The following DCX variants were observed in gnomAD, a reference collection of about 807,000 sequenced individuals.
The protein encoded by DCX is doublecortin.
A neutral mutation model predicts 20.9 loss-of-function variants in DCX; 4 were observed. The ratio of observed to expected loss-of-function variants is 0.19; its 90% confidence interval spans 0.09 to 0.44. DCX has a LOEUF of 0.44. Ranked by LOEUF, DCX falls within the 20% of genes least tolerant of loss-of-function variation. The pLI is 0.99. For synonymous variants in DCX, 103 were observed against 111.4 expected (o/e 0.92, Z 0.47); for missense variants, 133 against 296.9 (o/e 0.45, Z 4.06).
chrX:111,349,181 T>C (rs1385602939), intron 3 of DCX, among the ~76,000 whole-genome samples: 1 of 111,923 alleles, frequency 8.9e-6, no homozygotes, highest in Non-Finnish European at 1.9e-5. Flanking sequence ...TAAGAGTCTC[T>C]AGACTAGTTG....
chrX:111,301,801 A>T, intron 6 of DCX, 58 bp from the exon 7 acceptor site: 1 of 1,059,628 alleles, frequency 9.4e-7, no homozygotes, highest in Non-Finnish European at 1.3e-6. Flanking sequence ...TGAGCTCTGG[A>T]ATGTCTGCTT....
chrX:111,383,506 G>C (rs1926141620), intron 3 of DCX, among the ~76,000 whole-genome samples: 1 of 111,536 alleles, frequency 9.0e-6, no homozygotes, highest in Non-Finnish European at 1.9e-5. Context: ...TTACCAATTA[G>C]TATTTTCTGA....
intron 3 of DCX, among the ~76,000 whole-genome samples, chrX:111,385,499 T>C (rs1449000606): frequency 9.2e-6 from 1 of 108,852 alleles, no homozygotes; most frequent in Non-Finnish European, 1.9e-5. Context: ...CTACTAAAAA[T>C]ACAAAAATTA....
chrX:111,328,881 G>A (rs2095105869), intron 5 of DCX, among the ~76,000 whole-genome samples: 1 of 110,557 alleles, frequency 9.0e-6, no homozygotes, highest in African/African-American at 3.3e-5. Flanking sequence ...GAGACTCTGA[G>A]CCAGAACCAC....
chrX:111,333,175 T>G, intron 3 of DCX, 22 bp from the exon 4 acceptor site: 2 of 1,065,029 alleles, frequency 1.9e-6, no homozygotes, highest in Non-Finnish European at 2.6e-6. Flanking sequence ...GCAGAAACAC[T>G]GATTGTATAT....
chrX:111,314,223 C>T (rs753379462), intron 5 of DCX, among the ~76,000 whole-genome samples: 8 of 111,822 alleles, frequency 7.2e-5, no homozygotes, highest in Non-Finnish European at 1.3e-4. Flanking sequence ...CTCACCCACT[C>T]GTTGAGAAGC....
In DCX at chrX:111,368,396, G is replaced by C. The variant is rs754128592; in HGVS notation, c.705+32594C>G. On this transcript the variant is annotated intron_variant, in intron 3 of 6. Coordinates refer to ENST00000636035, the MANE Select transcript of DCX (RefSeq NM_001195553.2). ...TACTTCTTTATAGAAAGCAACCGTA[G>C]TCTGAGTGGCCTGATCTAATTTAAA... 6.3e-5 allele frequency among the ~76,000 whole-genome samples: 7 copies of C among 111,926 alleles called. No homozygotes were observed. In the East Asian group the frequency reaches 1.7e-3, roughly 27 times the overall value.
intron 3 of DCX, among the ~76,000 whole-genome samples, chrX:111,394,507 A>C (rs1291705049): frequency 8.9e-6 from 1 of 112,589 alleles, no homozygotes. Context: ...TTATATTTCA[A>C]TAAAGCTGTT....
intron 3 of DCX, among the ~76,000 whole-genome samples, chrX:111,379,502 A>G (rs779725013): frequency 2.7e-5 from 3 of 111,792 alleles, no homozygotes; most frequent in South Asian, 3.7e-4. Context: ...TCCTTCACCT[A>G]TCATAATGTT....
intron 2 of DCX, among the ~76,000 whole-genome samples, chrX:111,407,829 CACACACACAT>C (rs1928328375): frequency 9.1e-6 from 1 of 110,171 alleles, no homozygotes; most frequent in Admixed American, 9.8e-5. Flanking sequence ...CACACACACA[CACACACACAT>C]ATCTAGGGAG....
At chrX:111,388,340 T>C (rs1450952902) in intron 3 of DCX, among the ~76,000 whole-genome samples, 2 of 112,083 alleles carry the variant, frequency 1.8e-5, no homozygotes, top group Admixed American at 1.9e-4. Flanking sequence ...CAAAGCCCTT[T>C]TTGATTTAGT....
In DCX at chrX:111,331,048, C is replaced by T; in HGVS notation, c.809-7G>A. The T allele has an allele frequency of 2.5e-6, 3 of 1,210,046 alleles. No individual in the cohort carries two copies. Among genetic ancestry groups the T allele is most frequent in the Non-Finnish European group, 1.1e-6 (1 of 894,586 alleles). ...CCCTTCATGACTCGGCATTCTGGGG[C>T]AAAAGGACACAGACAGCTTAGTAGA... On this transcript the variant is annotated splice_region_variant and splice_polypyrimidine_tract_variant and intron_variant, in intron 4 of 6. Transcript: ENST00000636035.
chrX:111,383,150 T>C (rs1029472684), intron 3 of DCX, among the ~76,000 whole-genome samples: 3 of 111,131 alleles, frequency 2.7e-5, no homozygotes, highest in Non-Finnish European at 5.7e-5. Flanking sequence ...CAAAAATGCC[T>C]GATACCATGC....
intron 5 of DCX, among the ~76,000 whole-genome samples, chrX:111,323,370 G>A (rs900648214): frequency 1.8e-5 from 2 of 111,420 alleles, no homozygotes; most frequent in African/African-American, 6.5e-5. Flanking sequence ...TACATAAAAT[G>A]CTTATCTAAG....
chrX:111,325,935 A>G (rs1224122120), intron 5 of DCX, among the ~76,000 whole-genome samples: 1 of 111,801 alleles, frequency 8.9e-6, no homozygotes, highest in Non-Finnish European at 1.9e-5. Flanking sequence ...AGTCACTTTC[A>G]GGAAGGTCAG....
intron 5 of DCX, among the ~76,000 whole-genome samples, chrX:111,320,544 GC>G (rs765127925): frequency 1.8e-5 from 2 of 111,232 alleles, no homozygotes; most frequent in African/African-American, 6.6e-5. Context: ...ATTAGGAAAT[GC>G]CTTGGTGGAT....
chrX:111,405,706 AT>A (rs1370300820), intron 2 of DCX, among the ~76,000 whole-genome samples: 1 of 111,487 alleles, frequency 9.0e-6, no homozygotes, highest in Non-Finnish European at 1.9e-5. Flanking sequence ...AAATAAAAAA[AT>A]AATAAAAAAA....
chrX:111,346,731 A>G (rs1478304255), intron 3 of DCX, among the ~76,000 whole-genome samples: 1 of 112,594 alleles, frequency 8.9e-6, no homozygotes, highest in Non-Finnish European at 1.9e-5. Flanking sequence ...TTTATGTTAC[A>G]CATATTTGAC....
intron 1 of DCX, 69 bp from the exon 2 acceptor site, chrX:111,410,489 A>G (rs1928619102): frequency 2.6e-6 from 3 of 1,167,475 alleles, no homozygotes; most frequent in South Asian, 1.8e-5. Context: ...GAAGGAAAAA[A>G]GAAGGGATTT....
Sources: allele counts gnomAD v4.1 joint callset (sites outside exome capture counted in the v4.1 genomes callset), GRCh38; gene constraint gnomAD v4.1.1; transcripts MANE v1.5; gene names NCBI Gene and HGNC (gene_info 2026-07-23, HGNC 2026-07-21).